The following ST3GAL1 variants were observed in gnomAD, a reference collection of about 807,000 sequenced individuals.
ST3GAL1 encodes CMP-N-acetylneuraminate-beta-galactosamide-alpha-2,3-sialyltransferase 1.
In ST3GAL1, 16 loss-of-function variants were observed where a neutral mutation model predicts 34.1. The ratio of observed to expected loss-of-function variants is 0.47; its 90% CI spans 0.32 to 0.71. The LOEUF (loss-of-function observed/expected upper bound fraction) is 0.71. ST3GAL1 is among the 30% of genes least tolerant of loss of function. The pLI is 0.04. For synonymous variants in ST3GAL1, 191 were observed against 184.7 expected (o/e 1.03, Z -0.28); for missense variants, 353 against 447.4 (o/e 0.79, Z 1.90).
rs1815420938 is a variant in ST3GAL1 at position 133,459,624 on chromosome 8, G to T, written c.*140C>A. On this transcript the variant is annotated 3_prime_UTR_variant, in exon 10 of 10. Transcript: ENST00000522652. The surrounding 1 kb of genome is among the most constrained non-coding windows in gnomAD (Gnocchi z 4.7). ...GCTGAGTAGATGCTGCCAACGGCTG[G>T]GTGCAAGAGGCTGTGAGCGGTGCCC... is the stretch of plus-strand genomic sequence containing the variant. 1 of 1,075,060 alleles carries T rather than the reference G, an allele frequency of 9.3e-7. No individual in the cohort carries two copies. Among genetic ancestry groups the T allele is most frequent in the Non-Finnish European group, 1.3e-6 (1 of 773,170 alleles). The allele number at this position is 1,075,060 out of a possible 1,614,324, so 66.6% of individuals were successfully genotyped here.
At chr8:133,521,203 G>A (rs1817798864) in intron 2 of ST3GAL1, among the ~76,000 whole-genome samples, 1 of 121,158 alleles carries the variant, frequency 8.3e-6, no homozygotes, top group South Asian at 2.9e-4. Context: ...GTGCAATCTT[G>A]GCTCACTGCA....
chr8:133,564,362 A>C (rs1819329484), intron 1 of ST3GAL1, among the ~76,000 whole-genome samples: 1 of 152,174 alleles, frequency 6.6e-6, no homozygotes, highest in Non-Finnish European at 1.5e-5. Flanking sequence ...CCTGTTTATA[A>C]AGCCAACCTC....
chr8:133,480,080 A>G (rs542600055), intron 3 of ST3GAL1, among the ~76,000 whole-genome samples: 1 of 152,266 alleles, frequency 6.6e-6, no homozygotes, highest in African/African-American at 2.4e-5. Flanking sequence ...CAGAACAAGG[A>G]GAAAGAAGAG....
At chr8:133,550,240 C>G (rs1210614980) in intron 1 of ST3GAL1, among the ~76,000 whole-genome samples, 2 of 152,156 alleles carry the variant, frequency 1.3e-5, no homozygotes, top group African/African-American at 4.8e-5. Context: ...GCTGTCATGC[C>G]TCTTTCTATA....
At chr8:133,565,608 A>C (rs1024137950) in intron 1 of ST3GAL1, among the ~76,000 whole-genome samples, 1 of 152,184 alleles carries the variant, frequency 6.6e-6, no homozygotes, top group Non-Finnish European at 1.5e-5. Context: ...GAATGATAAG[A>C]TGTTCAAAAT....
chr8:133,561,514 T>C (rs1040711350), intron 1 of ST3GAL1, among the ~76,000 whole-genome samples: 2 of 152,160 alleles, frequency 1.3e-5, no homozygotes, highest in African/African-American at 4.8e-5. Context: ...TTCACTCCTA[T>C]TTCACATGAA....
Position 133,475,903 on chromosome 8 carries a change from T to C in ST3GAL1, c.122A>G (p.Gln41Arg). ...TMVATTWFPK[Q>R]MVLELSENLK... Reference sequence around the variant, plus strand: ...GTTCTCGGAGAGCTCCAGGACCATCTGCTTGGGGAACCAGGTGGTGGCCAC... The same window carrying C: ...GTTCTCGGAGAGCTCCAGGACCATCCGCTTGGGGAACCAGGTGGTGGCCAC... The change falls in exon 5 of 10, where the codon CAG becomes CGG. Residue 41 changes from glutamine (Q) to arginine (R), a missense_variant. By Grantham distance (43) the Gln-to-Arg change is conservative. Transcript: ENST00000522652. 2 of 1,614,104 alleles carry C rather than the reference T, an allele frequency of 1.2e-6. No homozygotes were observed. The highest frequency in any genetic ancestry group is 1.7e-6 in the Non-Finnish European group (2 of 1,180,032).
At chr8:133,537,592 A>G (rs376917109) in intron 2 of ST3GAL1, among the ~76,000 whole-genome samples, 9 of 152,352 alleles carry the variant, frequency 5.9e-5, no homozygotes, top group African/African-American at 2.2e-4. Context: ...CTAAGCTCCA[A>G]GGGCTGGAGA....
chr8:133,525,423 T>C (rs1034426670), intron 2 of ST3GAL1, among the ~76,000 whole-genome samples: 1 of 152,118 alleles, frequency 6.6e-6, no homozygotes, highest in African/African-American at 2.4e-5. Context: ...ATGGATGGGC[T>C]TGGATAAAGC....
chr8:133,521,841 G>A (rs78829902), intron 2 of ST3GAL1, among the ~76,000 whole-genome samples: 8,547 of 152,254 alleles, frequency 0.056, 318 homozygotes, highest in Middle Eastern at 0.088. Flanking sequence ...TGTTAACCTA[G>A]AGGAACCAAA....
intron 5 of ST3GAL1, among the ~76,000 whole-genome samples, chr8:133,472,193 C>T (rs1431019629): frequency 7.0e-6 from 1 of 143,584 alleles, no homozygotes; most frequent in Non-Finnish European, 1.5e-5. Flanking sequence ...CTCAACTCAA[C>T]TCAACTAAAA....
chr8:133,563,872 T>G (rs1228752052), intron 1 of ST3GAL1, among the ~76,000 whole-genome samples: 1 of 152,074 alleles, frequency 6.6e-6, no homozygotes, highest in African/African-American at 2.4e-5. Flanking sequence ...CGCCTCTTCC[T>G]GCCTCCTTAT....
At chr8:133,490,517 G>A (rs1397156250) in intron 3 of ST3GAL1, among the ~76,000 whole-genome samples, 2 of 152,228 alleles carry the variant, frequency 1.3e-5, no homozygotes, top group Non-Finnish European at 2.9e-5. Flanking sequence ...ACAAGTGGCA[G>A]GTGAATGACA....
At chr8:133,562,854 T>C (rs530339275) in intron 1 of ST3GAL1, among the ~76,000 whole-genome samples, 5,722 of 136,104 alleles carry the variant, frequency 0.042, 565 homozygotes, top group African/African-American at 0.18. Context: ...TTCTTTCTTT[T>C]TTTTTTTTTT....
At chr8:133,552,693 C>G (rs541932405) in intron 1 of ST3GAL1, among the ~76,000 whole-genome samples, 25 of 152,286 alleles carry the variant, frequency 1.6e-4, no homozygotes, top group Non-Finnish European at 1.0e-4. Flanking sequence ...AAGCTGTTCT[C>G]ACTTATAACC....
chr8:133,496,015 G>C (rs1816935253), intron 3 of ST3GAL1, among the ~76,000 whole-genome samples: 1 of 152,124 alleles, frequency 6.6e-6, no homozygotes, highest in Non-Finnish European at 1.5e-5. Context: ...TTGACAGACG[G>C]ACAGATGGAT....
chr8:133,564,893 TA>T (rs1450047018), intron 1 of ST3GAL1, among the ~76,000 whole-genome samples: 3 of 152,246 alleles, frequency 2.0e-5, no homozygotes, highest in Non-Finnish European at 2.9e-5. Flanking sequence ...CCTTAACACT[TA>T]AACTATTCTG....
intron 2 of ST3GAL1, among the ~76,000 whole-genome samples, chr8:133,516,503 T>G (rs1175788782): frequency 6.6e-6 from 1 of 152,214 alleles, no homozygotes; most frequent in Non-Finnish European, 1.5e-5. Flanking sequence ...TTCCTGCCCC[T>G]GGGCCTTTGC....
chr8:133,549,121 C>T (rs553275901), intron 1 of ST3GAL1, among the ~76,000 whole-genome samples: 58 of 152,344 alleles, frequency 3.8e-4, no homozygotes, highest in African/African-American at 1.3e-3. Context: ...AAGGCAGTAG[C>T]GGGGCGTGGT....
Sources: allele counts gnomAD v4.1 joint callset (sites outside exome capture counted in the v4.1 genomes callset), GRCh38; gene constraint gnomAD v4.1.1; non-coding constraint Gnocchi (gnomAD v3.1); transcripts MANE v1.5; gene names NCBI Gene and HGNC (gene_info 2026-07-23, HGNC 2026-07-21).